Variants in RHOC observed in about 807,000 individuals in gnomAD.
The protein encoded by RHOC is rho-related GTP-binding protein RhoC.
Under a neutral mutation model 19.5 loss-of-function variants are expected in RHOC, and 13 were observed. The observed-to-expected ratio is 0.67, with a 90% confidence interval of 0.43 to 1.06. RHOC has a LOEUF of 1.06. RHOC is among the 50% of genes least tolerant of loss of function. The probability of loss-of-function intolerance (pLI) is 0.00; values close to 1 mark genes in which losing one functional copy is unlikely to be tolerated. For missense variants in RHOC, 173 were observed against 256.9 expected, an observed-to-expected ratio of 0.67 and a Z score of 2.23; for synonymous variants, 106 against 97.3, an observed-to-expected ratio of 1.09 and a Z score of -0.52.
rs752821254 is a variant in RHOC at position 112,701,723 on chromosome 1, CATAAG to C, written c.409-15_409-11del. The C allele has an allele frequency of 9.3e-6, 15 of 1,613,496 alleles. No individual in the cohort carries two copies. The highest frequency in any genetic ancestry group is 1.3e-5 in the Non-Finnish European group (15 of 1,179,842). On this transcript the variant is annotated splice_polypyrimidine_tract_variant and intron_variant, in intron 5 of 5. Transcript: ENST00000339083. ...CAGACCGAACGGGCTCCTGAGAAGA[CATAAG>C]ATGAGGGGTCAAAGGAAGCTGTTGA...
At chr1:112,706,464 CCACACACACACACACACACA>C (rs57078670) in intron 1 of RHOC, among the ~76,000 whole-genome samples, 166 of 22,992 alleles carry the variant, frequency 7.2e-3, no homozygotes, top group Middle Eastern at 0.024. Context: ...CACACACACA[CCACACACACACACACACACA>C]CACACACACA....
At chr1:112,703,211 ACTT>A (rs1206496960) in intron 3 of RHOC, 92 bp from the exon 4 acceptor site, 26 of 1,468,948 alleles carry the variant, frequency 1.8e-5, no homozygotes, top group South Asian at 1.1e-4. Flanking sequence ...GGCTCACTGA[ACTT>A]CTTTATTTGA....
chr1:112,704,223 C>T (rs60592505), intron 2 of RHOC: 2,947 of 179,824 alleles, frequency 0.016, 74 homozygotes, highest in East Asian at 0.088. Context: ...GATGCATTTA[C>T]AGTTTAATAA....
Position 112,701,620 on chromosome 1 carries a change from G to A in RHOC, c.502C>T (p.Arg168Trp), listed in dbSNP as rs779520374. The A allele has an allele frequency of 5.6e-6, 9 of 1,613,924 alleles. No homozygotes were observed. The highest frequency in any genetic ancestry group is 1.7e-5 in the Admixed American group (1 of 59,998). Residue 168 changes from arginine (R) to tryptophan (W), a missense_variant, in exon 6 of 6, where the codon CGG (arginine) becomes TGG (tryptophan). Physicochemically the swap from Arg to Trp is moderately radical, Grantham distance 101. Transcript: ENST00000339083. ...ECSAKTKEGV[R>W]EVFEMATRAG... Reference sequence around the variant, plus strand: ...CGAGTGGCCATCTCAAACACCTCCCGCACTCCCTCCTTGGTCTTGGCTGAG... The same window carrying A: ...CGAGTGGCCATCTCAAACACCTCCCACACTCCCTCCTTGGTCTTGGCTGAG...
At chr1:112,702,033 C>T (rs1471066696) in intron 5 of RHOC, among the ~76,000 whole-genome samples, 2 of 152,210 alleles carry the variant, frequency 1.3e-5, no homozygotes, top group Admixed American at 6.5e-5. Context: ...TTCTAACACA[C>T]AGACCTAACA....
At chr1:112,704,668 T>C (rs1674780275) in intron 2 of RHOC, 2 of 184,568 alleles carry the variant, frequency 1.1e-5, no homozygotes, top group Non-Finnish European at 2.3e-5. Context: ...CCAGCTTCCC[T>C]GGTCCACCCC....
chr1:112,705,143 G>A lies in RHOC; in HGVS notation c.-51C>T. 4.3e-6 allele frequency: 3 copies of A among 702,458 alleles called. No individual in the cohort carries two copies. The highest frequency in any genetic ancestry group is 2.0e-5 in the Admixed American group (1 of 50,018). 43.5% of individuals were successfully genotyped at this position (702,458 alleles called of 1,614,324 possible). On this transcript the variant is annotated 5_prime_UTR_variant, in exon 2 of 6. Coordinates refer to ENST00000339083, the MANE Select transcript of RHOC (RefSeq NM_175744.5). ...CCCAGGCTGCAGGAAGAGAGGGCGG[G>A]CTCTGGAGCTGAGATGAAGTCAAGG...
At chr1:112,702,502 T>C in intron 5 of RHOC, 61 bp downstream of exon 5, 1 of 1,579,068 alleles carries the variant, frequency 6.3e-7, no homozygotes, top group Non-Finnish European at 8.7e-7. Flanking sequence ...CCTTTGCCCG[T>C]CTGCAACCCC....
rs922959307 is a variant in RHOC, at chr1:112,705,135, G to C, written c.-43C>G. ...CTGAAGTTCCCAGGCTGCAGGAAGA[G>C]AGGGCGGGCTCTGGAGCTGAGATGA... On this transcript the variant is annotated 5_prime_UTR_variant, in exon 2 of 6. Transcript: ENST00000339083. 5 of 702,402 alleles carry C rather than the reference G, an allele frequency of 7.1e-6. No homozygotes were observed. The highest frequency in any genetic ancestry group is 6.0e-5 in the Admixed American group (3 of 49,996). The allele number at this position is 702,402 out of a possible 1,614,324, so 43.5% of individuals were successfully genotyped here.
At chr1:112,704,094 AC>A (rs1320305228) in intron 2 of RHOC, among the ~76,000 whole-genome samples, 1 of 152,180 alleles carries the variant, frequency 6.6e-6, no homozygotes, top group African/African-American at 2.4e-5. Context: ...CCACTTGCCA[AC>A]CTGGGGACTC....
chr1:112,705,847 T>TC (rs1209100066), intron 1 of RHOC: 3 of 358,744 alleles, frequency 8.4e-6, no homozygotes, highest in African/African-American at 6.4e-5. Flanking sequence ...GCCACTGCTG[T>TC]CCCCCCAGCA....
chr1:112,704,980 A>C (rs896731176), intron 2 of RHOC, 120 bp downstream of exon 2: 3 of 654,956 alleles, frequency 4.6e-6, no homozygotes, highest in Non-Finnish European at 5.6e-6. Context: ...CAGGGCAAGG[A>C]GTCAGCTTCC....
At chr1:112,707,043 G>C (rs892933238) in intron 1 of RHOC, 35 bp downstream of exon 1, 3 of 152,184 alleles carry the variant, frequency 2.0e-5, no homozygotes, top group African/African-American at 7.2e-5. Flanking sequence ...GAGTTCCCAA[G>C]ACGCCCCACC....
At chr1:112,706,924 A>G (rs1674917035) in intron 1 of RHOC, 154 bp downstream of exon 1, 1 of 151,808 alleles carries the variant, frequency 6.6e-6, no homozygotes, top group African/African-American at 2.4e-5. Context: ...CCCAGCCCGG[A>G]TGCCGACTCC....
intron 1 of RHOC, chr1:112,705,577 C>T: frequency 2.1e-6 from 1 of 467,640 alleles, no homozygotes; most frequent in South Asian, 1.5e-5. Flanking sequence ...TCTCTGATTC[C>T]CCAGAAGACA....
chr1:112,705,011 A>C (rs2101465839), intron 2 of RHOC, 89 bp downstream of exon 2: 3 of 668,356 alleles, frequency 4.5e-6, no homozygotes, highest in African/African-American at 1.8e-5. Context: ...TGTGTCCCCC[A>C]CCCCCAGCAC....
rs1447339697 is a variant in RHOC, at chr1:112,705,075, T to G, written c.-8+25A>C. On this transcript the variant is annotated intron_variant, in intron 2 of 5. Transcript: ENST00000339083. ...CACCTTCGCAGCTTCCCTCACTTCC[T>G]CCTTCCCTGGGGAGGGGAACTGACC... The G allele has an allele frequency of 5.7e-6, 4 of 702,226 alleles. No individual in the cohort carries two copies. In the Admixed American group the frequency reaches 8.0e-5, roughly 14 times the overall value. 43.5% of individuals were successfully genotyped at this position (702,226 alleles called of 1,614,324 possible).
At position 112,701,609 on chromosome 1, in the gene RHOC, A is replaced by G. The variant is rs1257448527; in HGVS notation, c.513T>C (p.Phe171=). Reference sequence around the variant, plus strand: ...GGAGGCCAGCCCGAGTGGCCATCTCAAACACCTCCCGCACTCCCTCCTTGG... The same window carrying G: ...GGAGGCCAGCCCGAGTGGCCATCTCGAACACCTCCCGCACTCCCTCCTTGG... ...AKTKEGVREV[F]EMATRAGLQV... Residue 171 remains phenylalanine, a synonymous_variant, in exon 6 of 6, where the codon TTT becomes TTC. Coordinates refer to ENST00000339083, the MANE Select transcript of RHOC (RefSeq NM_175744.5). The G allele has an allele frequency of 2.5e-6, 4 of 1,613,924 alleles. No homozygotes were observed. In the Admixed American group the frequency reaches 6.7e-5, roughly 27 times the overall value.
intron 4 of RHOC, 60 bp from the exon 5 acceptor site, chr1:112,702,753 G>A (rs1570830201): frequency 1.2e-6 from 2 of 1,604,130 alleles, no homozygotes; most frequent in East Asian, 2.2e-5. Flanking sequence ...AGCTCCCCTG[G>A]GGGGGCCCTC....
Sources: gnomAD v4.1 joint callset for allele counts (sites outside exome capture counted in the v4.1 genomes callset) on GRCh38, gnomAD v4.1.1 for gene constraint, MANE v1.5 for transcripts, NCBI Gene and HGNC (gene_info 2026-07-23, HGNC 2026-07-21) for gene names.